Variants in PRKAG2 observed in about 807,000 individuals in gnomAD.
PRKAG2 encodes the protein 5'-AMP-activated protein kinase subunit gamma-2.
A neutral mutation model predicts 69.6 loss-of-function variants in PRKAG2; 26 were observed. That is an observed-to-expected ratio of 0.37 (90% confidence interval 0.27 to 0.52). The LOEUF (loss-of-function observed/expected upper bound fraction) is 0.52, where lower values mean the gene tolerates loss of function less well. PRKAG2 is among the 20% of genes least tolerant of loss of function. PRKAG2 has a pLI of 0.90. For missense variants in PRKAG2, 557 were observed against 740.0 expected (o/e 0.75, Z 2.87); for synonymous variants, 293 against 285.0 (o/e 1.03, Z -0.28).
intron 5 of PRKAG2, chr7:151,631,647 C>T (rs1359999626): frequency 1.1e-5 from 5 of 456,140 alleles, no homozygotes; most frequent in Non-Finnish European, 2.2e-5. Context: ...CCGGTCATAT[C>T]TTCACAGGCG....
At chr7:151,761,731 G>A (rs1291187912) in intron 3 of PRKAG2, among the ~76,000 whole-genome samples, 1 of 152,170 alleles carries the variant, frequency 6.6e-6, no homozygotes, top group Non-Finnish European at 1.5e-5. Context: ...AGTGGATTGA[G>A]TTTCCCTGTA....
chr7:151,575,702 A>G (rs1808728937), intron 7 of PRKAG2, among the ~76,000 whole-genome samples: 1 of 152,106 alleles, frequency 6.6e-6, no homozygotes, highest in Non-Finnish European at 1.5e-5. Flanking sequence ...GCCATATGCC[A>G]TGTGTGGCCC....
intron 4 of PRKAG2, among the ~76,000 whole-genome samples, chr7:151,672,509 T>G (rs1832218971): frequency 6.6e-6 from 1 of 152,068 alleles, no homozygotes; most frequent in African/African-American, 2.4e-5. Context: ...AAACTGAAAC[T>G]CTGTCTCCGT....
chr7:151,701,638 T>G (rs1372580331), intron 3 of PRKAG2, among the ~76,000 whole-genome samples: 1 of 152,032 alleles, frequency 6.6e-6, no homozygotes, highest in South Asian at 2.1e-4. Flanking sequence ...GGTCAGGAGA[T>G]GGAGACCATC....
At chr7:151,791,978 C>G (rs1191120365) in intron 1 of PRKAG2, among the ~76,000 whole-genome samples, 1 of 152,208 alleles carries the variant, frequency 6.6e-6, no homozygotes, top group Non-Finnish European at 1.5e-5. Context: ...GTCATTTGCC[C>G]AATGCCAGAG....
In PRKAG2 at chr7:151,782,420, GGAAGGAAA is replaced by G. The variant is rs1324212377; in HGVS notation, c.187-997_187-990del. 5.2e-3 allele frequency among the ~76,000 whole-genome samples: 746 copies of G among 144,522 alleles called. 24 individuals are homozygous for G. The highest frequency in any genetic ancestry group is 0.013 in the African/African-American group (498 of 38,806). 94.8% of individuals were successfully genotyped at this position (144,522 alleles called of 152,430 possible). A position where few individuals can be genotyped will look rare whatever the true frequency, so the allele number is the denominator to read the frequency against. Reference sequence around the variant, plus strand: ...AGGAAGGAAGGAAGGAAGGAAGGAAGGAAGGAAAGAAAGAAGGAAAGAAGGAAGTTAAC... The same window carrying G: ...AGGAAGGAAGGAAGGAAGGAAGGAAGGAAAGAAGGAAAGAAGGAAGTTAAC... On this transcript the variant is annotated intron_variant, in intron 2 of 15. Coordinates refer to ENST00000287878, the MANE Select transcript of PRKAG2 (RefSeq NM_016203.4).
chr7:151,627,148 CA>C (rs1194962803), intron 5 of PRKAG2, among the ~76,000 whole-genome samples: 2 of 152,216 alleles, frequency 1.3e-5, no homozygotes, highest in African/African-American at 4.8e-5. Flanking sequence ...GCAATAACAA[CA>C]AAACAAAGCC....
intron 3 of PRKAG2, among the ~76,000 whole-genome samples, chr7:151,731,150 C>T (rs976635520): frequency 6.6e-6 from 1 of 152,230 alleles, no homozygotes; most frequent in African/African-American, 2.4e-5. Flanking sequence ...AATCTTCCCT[C>T]TACATTTTTA....
intron 3 of PRKAG2, among the ~76,000 whole-genome samples, chr7:151,760,260 C>T (rs539886267): frequency 2.2e-3 from 329 of 152,098 alleles, no homozygotes; most frequent in Middle Eastern, 6.8e-3. Context: ...GTTTTTGAAA[C>T]AGAGTCTTGC....
intron 1 of PRKAG2, among the ~76,000 whole-genome samples, chr7:151,821,057 T>TCCCA (rs1223787001): frequency 9.1e-4 from 7 of 7,682 alleles, no homozygotes; most frequent in African/African-American, 2.1e-3. Context: ...AGGAAAGCTG[T>TCCCA]GGAGACAGGG....
At chr7:151,697,472 G>A (rs530795672) in intron 3 of PRKAG2, among the ~76,000 whole-genome samples, 1 of 152,186 alleles carries the variant, frequency 6.6e-6, no homozygotes, top group South Asian at 2.1e-4. Flanking sequence ...TGGGGACTTG[G>A]AGCAGAAAGG....
rs567278184 is a variant in PRKAG2 at position 151,814,787 on chromosome 7, G to A, written c.115-28246C>T. 8.1e-6 allele frequency: 10 copies of A among 1,231,820 alleles called. No homozygotes were observed. The African/African-American group carries it at 1.4e-4, about 17-fold the overall frequency. The allele number at this position is 1,231,820 out of a possible 1,614,324, so 76.3% of individuals were successfully genotyped here. ...AGCTGCTTTGCTGCTCAAAATGCAG[G>A]CAGAGCTCGGGCAGATTCCCCCATT... On this transcript the variant is annotated intron_variant, in intron 1 of 15. Transcript: ENST00000287878. This position sits in a 1 kb window ranked among gnomAD's most constrained non-coding sequence, Gnocchi z 4.8.
chr7:151,721,086 C>A (rs1234674148), intron 3 of PRKAG2, among the ~76,000 whole-genome samples: 1 of 144,902 alleles, frequency 6.9e-6, no homozygotes, highest in Non-Finnish European at 1.5e-5. Context: ...ATGGAGGGGA[C>A]ACAGAGGGCA....
At chr7:151,631,923 G>T in intron 5 of PRKAG2, 146 bp downstream of exon 5, 2 of 857,032 alleles carry the variant, frequency 2.3e-6, no homozygotes, top group Non-Finnish European at 3.1e-6. Context: ...CCCCGCCCCG[G>T]TTCCCGCCCC....
At chr7:151,819,916 A>T (rs958931707) in intron 1 of PRKAG2, among the ~76,000 whole-genome samples, 2 of 152,254 alleles carry the variant, frequency 1.3e-5, no homozygotes, top group Non-Finnish European at 2.9e-5. Context: ...CAAATAAGCC[A>T]GCAGGTCTAT....
chr7:151,736,043 C>G (rs1178395864), intron 3 of PRKAG2: 1 of 1,535,692 alleles, frequency 6.5e-7, no homozygotes, highest in Non-Finnish European at 8.7e-7. Flanking sequence ...TCAGGACCCA[C>G]AGAACCGGTG....
Position 151,680,529 on chromosome 7 carries a change from T to C in PRKAG2, c.467-4892A>G, listed in dbSNP as rs535577354. Among the ~76,000 whole-genome samples the C allele has an allele frequency of 2.0e-5, 3 of 152,378 alleles. No individual in the cohort carries two copies. The South Asian group carries it at 6.2e-4, about 32-fold the overall frequency. On this transcript the variant is annotated intron_variant, in intron 3 of 15. Coordinates refer to ENST00000287878, the MANE Select transcript of PRKAG2 (RefSeq NM_016203.4). The stretch of plus-strand genomic sequence containing the variant: ...TCTGCCTGTCTGATTTTGCCTAGAC[T>C]ATCTCTGGCAGGATCTGGAAACACT...
In PRKAG2 at chr7:151,788,783, A is replaced by C. The variant is rs759702937; in HGVS notation, c.115-2242T>G. On this transcript the variant is annotated intron_variant, in intron 1 of 15. Coordinates refer to ENST00000287878, the MANE Select transcript of PRKAG2 (RefSeq NM_016203.4). This position sits in a 1 kb window ranked among gnomAD's most constrained non-coding sequence, Gnocchi z 4.6. Reference sequence around the variant, plus strand: ...TAAGAGTTTTATATTTTATGGTTTTAGCTCTTATATTTAGGTCTTTGACCT... The same window carrying C: ...TAAGAGTTTTATATTTTATGGTTTTCGCTCTTATATTTAGGTCTTTGACCT... Among the ~76,000 whole-genome samples the C allele has an allele frequency of 6.6e-6, 1 of 152,162 alleles. No individual in the cohort carries two copies. Among genetic ancestry groups the C allele is most frequent in the Non-Finnish European group, 1.5e-5 (1 of 68,028 alleles).
At chr7:151,630,183 C>T (rs1171715358) in intron 5 of PRKAG2, among the ~76,000 whole-genome samples, 1 of 151,840 alleles carries the variant, frequency 6.6e-6, no homozygotes, top group African/African-American at 2.4e-5. Context: ...CTCTTAGACA[C>T]TTAGGTTTAA....
Sources: allele counts gnomAD v4.1 joint callset (sites outside exome capture counted in the v4.1 genomes callset), GRCh38; gene constraint gnomAD v4.1.1; non-coding constraint Gnocchi (gnomAD v3.1); transcripts MANE v1.5; gene names NCBI Gene and HGNC (gene_info 2026-07-23, HGNC 2026-07-21).